Variants in TMTC1 observed in about 807,000 individuals in gnomAD.
The protein encoded by TMTC1 is protein O-mannosyl-transferase TMTC1.
Under a neutral mutation model 104.8 loss-of-function variants are expected in TMTC1, and 73 were observed. The ratio of observed to expected loss-of-function variants is 0.70; its 90% CI spans 0.58 to 0.85. The LOEUF is 0.85. Among genes scored for constraint, TMTC1 ranks in the 40% least tolerant of loss-of-function variants. The pLI is 0.00. For synonymous variants in TMTC1, 434 were observed against 428.7 expected, an observed-to-expected ratio of 1.01 and a Z score of -0.15; for missense variants, 1,035 against 1,096.1, an observed-to-expected ratio of 0.94 and a Z score of 0.79.
intron 5 of TMTC1, among the ~76,000 whole-genome samples, chr12:29,689,821 C>T (rs759843988): frequency 2.0e-5 from 3 of 152,152 alleles, no homozygotes; most frequent in Non-Finnish European, 2.9e-5. Context: ...TGAAGGATTC[C>T]ACTCTTCTAG....
At chr12:29,659,286 T>A (rs1174986471) in intron 5 of TMTC1, among the ~76,000 whole-genome samples, 2 of 152,226 alleles carry the variant, frequency 1.3e-5, no homozygotes. Context: ...CGAAATGTAA[T>A]CTCCAGTGTG....
At chr12:29,760,852 A>G (rs1943328798) in intron 2 of TMTC1, among the ~76,000 whole-genome samples, 1 of 149,200 alleles carries the variant, frequency 6.7e-6, no homozygotes. Context: ...ATCAATTATA[A>G]TACTGTATTT....
chr12:29,733,150 G>A (rs969372094), intron 5 of TMTC1, among the ~76,000 whole-genome samples: 1 of 152,054 alleles, frequency 6.6e-6, no homozygotes, highest in African/African-American at 2.4e-5. Flanking sequence ...TCAAGCCCTG[G>A]GCATTACCTG....
intron 5 of TMTC1, among the ~76,000 whole-genome samples, chr12:29,661,939 T>A (rs1940048224): frequency 6.6e-6 from 1 of 152,214 alleles, no homozygotes; most frequent in Non-Finnish European, 1.5e-5. Context: ...TTGGGAGTTC[T>A]GGATATCTAC....
At chr12:29,715,158 CTG>C (rs1942041450) in intron 5 of TMTC1, among the ~76,000 whole-genome samples, 1 of 152,120 alleles carries the variant, frequency 6.6e-6, no homozygotes, top group Non-Finnish European at 1.5e-5. Flanking sequence ...TGGTTTCTAA[CTG>C]AATGCTTTCA....
intron 5 of TMTC1, among the ~76,000 whole-genome samples, chr12:29,644,235 T>C (rs1939164846): frequency 6.7e-6 from 1 of 149,350 alleles, no homozygotes; most frequent in Non-Finnish European, 1.5e-5. Context: ...GACTAGAGAC[T>C]ATTATTCTAA....
At chr12:29,561,038 A>C (rs573066002) in intron 9 of TMTC1, among the ~76,000 whole-genome samples, 105 of 152,280 alleles carry the variant, frequency 6.9e-4, no homozygotes, top group African/African-American at 1.7e-3. Context: ...TTTACAGTTG[A>C]GGAAAGGGAA....
intron 5 of TMTC1, among the ~76,000 whole-genome samples, chr12:29,685,507 T>A (rs1367969845): frequency 6.6e-6 from 1 of 151,996 alleles, no homozygotes; most frequent in Non-Finnish European, 1.5e-5. Context: ...AGACAAAACA[T>A]AAAGGCACAA....
rs1481692094 is a variant in TMTC1 at position 29,650,236 on chromosome 12, C to G, written c.939-16900G>C. Among the ~76,000 whole-genome samples the G allele has an allele frequency of 2.0e-5, 3 of 152,098 alleles. No homozygotes were observed. The East Asian group carries it at 5.8e-4, about 29-fold the overall frequency. On this transcript the variant is annotated intron_variant, in intron 5 of 17. Transcript: ENST00000539277. ...AGTAGCTGGGATTATAGACGTGCACCATGATGCCTGGCTAATGTTTGTATT... is the reference window on the plus strand; with the variant it reads ...AGTAGCTGGGATTATAGACGTGCACGATGATGCCTGGCTAATGTTTGTATT...
At chr12:29,685,937 A>G (rs1220295829) in intron 5 of TMTC1, among the ~76,000 whole-genome samples, 4 of 151,728 alleles carry the variant, frequency 2.6e-5, no homozygotes, top group Non-Finnish European at 4.4e-5. Context: ...TGTTAAAAAA[A>G]AAAAAAAAAA....
intron 6 of TMTC1, among the ~76,000 whole-genome samples, chr12:29,623,812 C>A (rs374737634): frequency 2.1e-5 from 2 of 93,994 alleles, no homozygotes; most frequent in African/African-American, 7.0e-5. Context: ...GACTCCGGCT[C>A]AAAAATAAAT....
At chr12:29,557,466 A>T (rs1176138648) in intron 9 of TMTC1, among the ~76,000 whole-genome samples, 1 of 152,132 alleles carries the variant, frequency 6.6e-6, no homozygotes, top group East Asian at 1.9e-4. Context: ...AACAAAAACA[A>T]AAAAACGGAG....
At chr12:29,547,844 G>A (rs1432678757) in intron 10 of TMTC1, among the ~76,000 whole-genome samples, 5 of 152,218 alleles carry the variant, frequency 3.3e-5, no homozygotes, top group Admixed American at 3.3e-4. Context: ...TCGAAGAAGA[G>A]CAGATGTTGG....
At chr12:29,569,087 A>T (rs1049773323) in intron 9 of TMTC1, 1 of 435,048 alleles carries the variant, frequency 2.3e-6, no homozygotes, top group African/African-American at 2.0e-5. Flanking sequence ...TTTTTCTTTG[A>T]TGATTTGAAT....
At chr12:29,719,937 G>T (rs1423819623) in intron 5 of TMTC1, among the ~76,000 whole-genome samples, 3 of 152,162 alleles carry the variant, frequency 2.0e-5, no homozygotes, top group Non-Finnish European at 2.9e-5. Context: ...GTCTAACTAG[G>T]ATATCATGTG....
intron 10 of TMTC1, 114 bp downstream of exon 10, chr12:29,556,743 C>G (rs1396908353): frequency 7.3e-7 from 1 of 1,363,886 alleles, no homozygotes; most frequent in African/African-American, 1.5e-5. Context: ...TCTGAAAACC[C>G]TAATTATTCA....
intron 5 of TMTC1, among the ~76,000 whole-genome samples, chr12:29,644,940 A>G (rs916309292): frequency 1.3e-5 from 2 of 152,048 alleles, no homozygotes; most frequent in South Asian, 4.1e-4. Context: ...AGCCTTCCAT[A>G]TCATCCCTCC....
intron 6 of TMTC1, among the ~76,000 whole-genome samples, chr12:29,625,619 A>T (rs774806849): frequency 6.6e-6 from 1 of 152,248 alleles, no homozygotes; most frequent in Non-Finnish European, 1.5e-5. Context: ...CATTAAAGTG[A>T]TTTTGAAACA....
chr12:29,619,674 A>C lies in TMTC1; in HGVS notation c.1128+13473T>G, dbSNP rs1362474599. On this transcript the variant is annotated intron_variant, in intron 6 of 17. Transcript: ENST00000539277. Reference sequence around the variant, plus strand: ...TTCAAATACCACTAAAGCCATCCATAATCTTTCTAAAGTCTGGAGCTTTAG... The same window carrying C: ...TTCAAATACCACTAAAGCCATCCATCATCTTTCTAAAGTCTGGAGCTTTAG... Among the ~76,000 whole-genome samples the C allele has an allele frequency of 2.0e-5, 3 of 152,212 alleles. No individual in the cohort carries two copies. The East Asian group carries it at 5.8e-4, about 29-fold the overall frequency.
Sources: gnomAD v4.1 joint callset for allele counts (sites outside exome capture counted in the v4.1 genomes callset) on GRCh38, gnomAD v4.1.1 for gene constraint, MANE v1.5 for transcripts, NCBI Gene and HGNC (gene_info 2026-07-23, HGNC 2026-07-21) for gene names.